The following GRIP2 variants were observed in gnomAD, a reference collection of about 807,000 sequenced individuals.
GRIP2 encodes glutamate receptor interacting protein 2.
Under a neutral mutation model 108.3 loss-of-function variants are expected in GRIP2, and 58 were observed. That is an observed-to-expected ratio of 0.54 (90% CI 0.43 to 0.67). The LOEUF (loss-of-function observed/expected upper bound fraction) is 0.67. GRIP2 is among the 30% of genes least tolerant of loss of function. GRIP2 has a pLI of 0.00. For synonymous variants in GRIP2, 586 were observed against 598.2 expected (o/e 0.98, Z 0.30); for missense variants, 1,278 against 1,430.6 (o/e 0.89, Z 1.72).
At chr3:14,574,280 G>A in the GRIP2 span, 1 of 954,408 alleles carries the variant, frequency 1.0e-6, no homozygotes, top group Non-Finnish European at 1.7e-6. Flanking sequence ...TGTGGTTGTT[G>A]AGCCGTCCCA....
chr3:14,528,990 G>A (rs35931162), intron 1 of GRIP2, among the ~76,000 whole-genome samples: 30,151 of 151,882 alleles, frequency 0.2, 3,113 homozygotes, highest in African/African-American at 0.26. Flanking sequence ...AACATTTGTG[G>A]CTGGGCGTGG....
At chr3:14,523,967 G>A in intron 4 of GRIP2, 1 of 526,124 alleles carries the variant, frequency 1.9e-6, no homozygotes, top group East Asian at 3.2e-5. Context: ...TGGCTGGTAG[G>A]CTCAGGCCAG....
intron 22 of GRIP2, 68 bp downstream of exon 22, chr3:14,496,349 G>C: frequency 7.2e-7 from 1 of 1,396,778 alleles, no homozygotes. Context: ...CCCCTCTGGA[G>C]TCCCACGACA....
chr3:14,504,796 G>C (rs1386059840), intron 20 of GRIP2, among the ~76,000 whole-genome samples: 2 of 152,220 alleles, frequency 1.3e-5, no homozygotes, highest in Non-Finnish European at 2.9e-5. Context: ...CAGGGATATG[G>C]AAGAGAATAA....
At chr3:14,529,140 G>A (rs550117014) in intron 1 of GRIP2, among the ~76,000 whole-genome samples, 5 of 151,826 alleles carry the variant, frequency 3.3e-5, no homozygotes, top group African/African-American at 4.8e-5. Context: ...TTAGCTGGGC[G>A]TGGTGGCAGG....
chr3:14,591,833 C>T, the GRIP2 span, among the ~76,000 whole-genome samples: 1 of 152,180 alleles, frequency 6.6e-6, no homozygotes, highest in Non-Finnish European at 1.5e-5. Context: ...AGTAGGTAAA[C>T]TGAGGCAGAC....
chr3:14,557,702 C>A (rs1695259381), upstream of GRIP2, among the ~76,000 whole-genome samples: 1 of 152,252 alleles, frequency 6.6e-6, no homozygotes, highest in Non-Finnish European at 1.5e-5. Context: ...TGTCCCATCC[C>A]CACTGTAAGC....
upstream of GRIP2, among the ~76,000 whole-genome samples, chr3:14,546,771 T>C (rs1303559780): frequency 6.6e-6 from 1 of 152,068 alleles, no homozygotes; most frequent in Non-Finnish European, 1.5e-5. Flanking sequence ...TTGACTCTCC[T>C]CAAAATGGCA....
the GRIP2 span, among the ~76,000 whole-genome samples, chr3:14,595,764 C>T: frequency 6.6e-6 from 1 of 152,232 alleles, no homozygotes; most frequent in Non-Finnish European, 1.5e-5. Flanking sequence ...GCAGCTCCGG[C>T]CAAGCCATTT....
chr3:14,558,004 T>C (rs1038657228), upstream of GRIP2, among the ~76,000 whole-genome samples: 2 of 152,166 alleles, frequency 1.3e-5, no homozygotes, highest in Non-Finnish European at 2.9e-5. Flanking sequence ...ATTAGTGTTG[T>C]GGTTATTCCG....
At position 14,520,235 on chromosome 3, in the gene GRIP2, C is replaced by T. The variant is rs61731941; in HGVS notation, c.905G>A (p.Gly302Asp). The change falls in exon 9 of 24, where the codon GGC becomes GAC. Residue 302 changes from glycine (G) to aspartate (D), a missense_variant. Physicochemically the swap from Gly to Asp is moderately conservative, Grantham distance 94 (BLOSUM62 -1). Transcript: ENST00000621039. ...HPGDHILSID[G>D]TSMEHCSLLE... ...CAGCGAGCAGTGTTCCATGCTGGTG[C>T]CATCGATGGACAGGATGTGGTCTCC... The T allele has an allele frequency of 1.9e-5, 30 of 1,613,854 alleles. No homozygotes were observed. The African/African-American group carries it at 3.1e-4, about 16-fold the overall frequency.
At position 14,521,624 on chromosome 3, in the gene GRIP2, C is replaced by T; in HGVS notation, c.712+18G>A. The T allele has an allele frequency of 6.3e-7, 1 of 1,592,758 alleles. No homozygotes were observed. Among genetic ancestry groups the T allele is most frequent in the Non-Finnish European group, 8.6e-7 (1 of 1,167,568 alleles). ...GCCTCCTCCTGCCCCAACCCACACACTCAGGCCCCCAACTCACCAGGGGTG... is the reference window on the plus strand; with the variant it reads ...GCCTCCTCCTGCCCCAACCCACACATTCAGGCCCCCAACTCACCAGGGGTG... On this transcript the variant is annotated intron_variant, in intron 7 of 23. Coordinates refer to ENST00000621039, the MANE Select transcript of GRIP2 (RefSeq NM_001080423.4). The surrounding 1 kb of genome is among the most constrained non-coding windows in gnomAD (Gnocchi z 5.1).
At chr3:14,539,996 T>G (rs1288591037) in intron 1 of GRIP2, among the ~76,000 whole-genome samples, 1 of 152,152 alleles carries the variant, frequency 6.6e-6, no homozygotes, top group Non-Finnish European at 1.5e-5. Context: ...CCTACAAGGC[T>G]GAGCACTGCC....
chr3:14,520,291 G>C lies in GRIP2; in HGVS notation c.861-12C>G. 6.2e-7 allele frequency: 1 copy of C among 1,612,538 alleles called. No individual in the cohort carries two copies. The highest frequency in any genetic ancestry group is 8.5e-7 in the Non-Finnish European group (1 of 1,178,908). On this transcript the variant is annotated splice_polypyrimidine_tract_variant and intron_variant, in intron 8 of 23. Coordinates refer to ENST00000621039, the MANE Select transcript of GRIP2 (RefSeq NM_001080423.4). ...GCAGGGCTCCGCTCCTGGCCAGGCA[G>C]GGGAGTGAAGGCGGAGGCTGGTCCA...
chr3:14,492,752 C>G lies in GRIP2; in HGVS notation c.*913G>C, dbSNP rs374768225. The G allele has an allele frequency of 1.3e-5, 2 of 152,228 alleles. No individual in the cohort carries two copies. The highest frequency in any genetic ancestry group is 4.8e-5 in the African/African-American group (2 of 41,440). The allele number at this position is 152,228 out of a possible 1,614,324, so 9.4% of individuals were successfully genotyped here. A position where few individuals can be genotyped will look rare whatever the true frequency, so the allele number is the denominator to read the frequency against. On this transcript the variant is annotated 3_prime_UTR_variant, in exon 24 of 24. Coordinates refer to ENST00000621039, the MANE Select transcript of GRIP2 (RefSeq NM_001080423.4). ...TCCAGGGTCTTTTGCCCCAAAATGA[C>G]CCCTCCCACATGGAGGGGCTTGGGC...
chr3:14,573,300 G>T, the GRIP2 span: 1 of 1,419,104 alleles, frequency 7.0e-7, no homozygotes, highest in East Asian at 2.3e-5. Context: ...GATGGCACTG[G>T]CCAGGTTGCC....
At chr3:14,574,583 C>T in the GRIP2 span, 6 of 722,196 alleles carry the variant, frequency 8.3e-6, no homozygotes, top group East Asian at 5.1e-5. Flanking sequence ...AAACTTCGTC[C>T]GGGTATGTGG....
the GRIP2 span, among the ~76,000 whole-genome samples, chr3:14,564,992 C>A: frequency 6.6e-6 from 1 of 152,236 alleles, no homozygotes; most frequent in African/African-American, 2.4e-5. Flanking sequence ...AAACACAGCA[C>A]CCCGAGCACA....
chr3:14,494,826 C>T lies in GRIP2; in HGVS notation c.2970+17G>A. The stretch of plus-strand genomic sequence containing the variant: ...AACAATGCCACCCCCACTATGGAGC[C>T]CCTGCCCCAGCATTACCTGCAGGAC... On this transcript the variant is annotated intron_variant, in intron 23 of 23. Coordinates refer to ENST00000621039, the MANE Select transcript of GRIP2 (RefSeq NM_001080423.4). 6.2e-7 allele frequency: 1 copy of T among 1,607,146 alleles called. No homozygotes were observed. The highest frequency in any genetic ancestry group is 1.7e-5 in the Admixed American group (1 of 59,336).
Sources: gnomAD v4.1 joint callset for allele counts (sites outside exome capture counted in the v4.1 genomes callset) on GRCh38, gnomAD v4.1.1 for gene constraint, Gnocchi (gnomAD v3.1) non-coding constraint, MANE v1.5 for transcripts, NCBI Gene and HGNC (gene_info 2026-07-23, HGNC 2026-07-21) for gene names.